Variants in PPP3R1 observed in about 807,000 individuals in gnomAD.
PPP3R1 encodes protein phosphatase 3 regulatory subunit B, alpha.
A neutral mutation model predicts 22.6 loss-of-function variants in PPP3R1; 5 were observed. That is an observed-to-expected ratio of 0.22 (90% CI 0.12 to 0.46). PPP3R1 has a LOEUF of 0.46. Ranked by LOEUF, PPP3R1 falls within the 20% of genes least tolerant of loss-of-function variation. The probability of loss-of-function intolerance (pLI) is 0.99; values close to 1 mark genes in which losing one functional copy is unlikely to be tolerated. For missense variants in PPP3R1, 61 were observed against 203.2 expected (o/e 0.30, Z 4.25); for synonymous variants, 56 against 65.2 (o/e 0.86, Z 0.68).
rs1034090016 is a variant in PPP3R1 at position 68,188,401 on chromosome 2, A to C, written c.220+113T>G. The C allele has an allele frequency of 7.3e-6, 6 of 819,702 alleles. No homozygotes were observed. In the African/African-American group the frequency reaches 1.1e-4, roughly 15 times the overall value. 50.8% of individuals were successfully genotyped at this position (819,702 alleles called of 1,614,324 possible). A position where few individuals can be genotyped will look rare whatever the true frequency, so the allele number is the denominator to read the frequency against. ...AGACGCTGAGGTTTTAACATAATCT[A>C]TTATTGTAAGGTCACTAGGAATATA... On this transcript the variant is annotated intron_variant, in intron 3 of 5. Transcript: ENST00000234310.
chr2:68,198,525 G>A (rs1304635360), intron 2 of PPP3R1, among the ~76,000 whole-genome samples: 1 of 91,488 alleles, frequency 1.1e-5, no homozygotes. Context: ...ATGAATGAAT[G>A]AGTCTGGACC....
At chr2:68,198,206 GCATA>G (rs887615857) in intron 2 of PPP3R1, among the ~76,000 whole-genome samples, 9 of 139,548 alleles carry the variant, frequency 6.4e-5, no homozygotes, top group East Asian at 2.1e-4. Context: ...ACATATATGT[GCATA>G]CATATATACA....
chr2:68,246,430 T>C (rs1243827309), intron 1 of PPP3R1, among the ~76,000 whole-genome samples: 2 of 151,984 alleles, frequency 1.3e-5, no homozygotes, highest in Non-Finnish European at 2.9e-5. Context: ...TTCTCTAGCT[T>C]TCACCCTCTC....
intron 1 of PPP3R1, among the ~76,000 whole-genome samples, chr2:68,236,253 C>T (rs1392605981): frequency 2.6e-5 from 4 of 152,012 alleles, no homozygotes; most frequent in East Asian, 1.9e-4. Flanking sequence ...TGTGAACATG[C>T]GTTTGTAAAG....
chr2:68,213,800 T>C (rs918602935), intron 2 of PPP3R1, among the ~76,000 whole-genome samples: 3 of 152,162 alleles, frequency 2.0e-5, no homozygotes, highest in African/African-American at 7.2e-5. Flanking sequence ...TAACTACCAA[T>C]GACATTCTTC....
intron 2 of PPP3R1, among the ~76,000 whole-genome samples, chr2:68,204,713 T>C (rs1327355271): frequency 2.6e-5 from 4 of 152,212 alleles, no homozygotes; most frequent in African/African-American, 9.7e-5. Context: ...CCATTATGGA[T>C]TGTTATTATT....
chr2:68,195,622 C>T (rs1674751533), intron 2 of PPP3R1, among the ~76,000 whole-genome samples: 2 of 152,070 alleles, frequency 1.3e-5, no homozygotes, highest in African/African-American at 4.8e-5. Context: ...CATTTATTAC[C>T]GTGGTATTTG....
chr2:68,205,933 C>A (rs746569226), intron 2 of PPP3R1, among the ~76,000 whole-genome samples: 2 of 152,098 alleles, frequency 1.3e-5, no homozygotes, highest in Non-Finnish European at 2.9e-5. Context: ...CATTCTCCTG[C>A]CTCAGCCACC....
chr2:68,195,324 G>A (rs962530347), intron 2 of PPP3R1, among the ~76,000 whole-genome samples: 1 of 152,030 alleles, frequency 6.6e-6, no homozygotes, highest in African/African-American at 2.4e-5. Context: ...AATGCATTTA[G>A]GCATTTGGGG....
rs1674383161 is a variant in PPP3R1 at position 68,180,729 on chromosome 2, A to G, written c.*234T>C. ...CCCCTTCCCTTTCTCCACCACATTG[A>G]TATGCTCTTTTCATGTTGCTGTCCT... On this transcript the variant is annotated 3_prime_UTR_variant, in exon 6 of 6. Coordinates refer to ENST00000234310, the MANE Select transcript of PPP3R1 (RefSeq NM_000945.4). 4.4e-6 allele frequency: 2 copies of G among 456,824 alleles called. No individual in the cohort carries two copies. The highest frequency in any genetic ancestry group is 3.8e-5 in the South Asian group (1 of 26,628). The allele number at this position is 456,824 out of a possible 1,614,324, so 28.3% of individuals were successfully genotyped here.
At chr2:68,210,011 G>T (rs1669446753) in intron 2 of PPP3R1, among the ~76,000 whole-genome samples, 1 of 152,162 alleles carries the variant, frequency 6.6e-6, no homozygotes, top group South Asian at 2.1e-4. Flanking sequence ...AATGAGCAAT[G>T]GGGAAAGTGG....
chr2:68,184,175 G>C (rs1311851799), intron 5 of PPP3R1, among the ~76,000 whole-genome samples: 1 of 152,222 alleles, frequency 6.6e-6, no homozygotes, highest in Non-Finnish European at 1.5e-5. Context: ...GCGATCTTGT[G>C]TGTTCCAGTT....
At chr2:68,251,361 G>A (rs1670347032) in intron 1 of PPP3R1, among the ~76,000 whole-genome samples, 2 of 151,958 alleles carry the variant, frequency 1.3e-5, no homozygotes, top group African/African-American at 4.8e-5. Context: ...AGAGACACAA[G>A]AAGGTACCAA....
chr2:68,218,728 GT>G (rs200366763), intron 1 of PPP3R1, among the ~76,000 whole-genome samples: 23 of 38,146 alleles, frequency 6.0e-4, no homozygotes, highest in Admixed American at 2.4e-3. Context: ...GTCACTGTGA[GT>G]TTTTTTTTTT....
chr2:68,232,158 T>TAC (rs1558641332), intron 1 of PPP3R1, among the ~76,000 whole-genome samples: 1 of 115,612 alleles, frequency 8.6e-6, no homozygotes, highest in African/African-American at 3.4e-5. Context: ...TATATATATA[T>TAC]ACATATATAA....
intron 2 of PPP3R1, among the ~76,000 whole-genome samples, chr2:68,213,262 T>C (rs887138281): frequency 6.6e-6 from 1 of 152,254 alleles, no homozygotes; most frequent in Non-Finnish European, 1.5e-5. Context: ...CCTTCCTCAA[T>C]AAGCTTCATC....
In PPP3R1 at chr2:68,179,543, T is replaced by C. The variant is rs1362000733; in HGVS notation, c.*1420A>G. On this transcript the variant is annotated 3_prime_UTR_variant, in exon 6 of 6. Coordinates refer to ENST00000234310, the MANE Select transcript of PPP3R1 (RefSeq NM_000945.4). Reference sequence around the variant, plus strand: ...GATTCAACCTGCCCTTTTCCACTGATTTTAAAACCAGTTTTTATAGAGAAA... The same window carrying C: ...GATTCAACCTGCCCTTTTCCACTGACTTTAAAACCAGTTTTTATAGAGAAA... The C allele has an allele frequency of 6.6e-6, 1 of 152,242 alleles. No individual in the cohort carries two copies. The highest frequency in any genetic ancestry group is 1.5e-5 in the Non-Finnish European group (1 of 68,038). 9.4% of individuals were successfully genotyped at this position (152,242 alleles called of 1,614,324 possible).
At chr2:68,231,110 AACGAC>A (rs1669887400) in intron 1 of PPP3R1, among the ~76,000 whole-genome samples, 1 of 152,072 alleles carries the variant, frequency 6.6e-6, no homozygotes, top group Non-Finnish European at 1.5e-5. Context: ...CTGTGACTCT[AACGAC>A]ACAAGTGTTA....
At chr2:68,209,320 C>T (rs2103758934) in intron 2 of PPP3R1, among the ~76,000 whole-genome samples, 1 of 125,008 alleles carries the variant, frequency 8.0e-6, no homozygotes, top group East Asian at 2.7e-4. Flanking sequence ...GATCCCGCCA[C>T]TGCACTCCAG....
Sources: allele counts gnomAD v4.1 joint callset (sites outside exome capture counted in the v4.1 genomes callset), GRCh38; gene constraint gnomAD v4.1.1; transcripts MANE v1.5; gene names NCBI Gene and HGNC (gene_info 2026-07-23, HGNC 2026-07-21).